The following PDS5B variants were observed in gnomAD, a reference collection of about 807,000 sequenced individuals.
The protein encoded by PDS5B is PDS5 cohesin associated factor B, also known as sister chromatid cohesion protein PDS5 homolog B.
A neutral mutation model predicts 184.1 loss-of-function variants in PDS5B; 51 were observed. The observed-to-expected ratio is 0.28, with a 90% CI of 0.22 to 0.35. The LOEUF (loss-of-function observed/expected upper bound fraction) is 0.35, where lower values mean the gene tolerates loss of function less well. Ranked by LOEUF, PDS5B falls within the 10% of genes least tolerant of loss-of-function variation. The pLI, the probability that PDS5B is intolerant of heterozygous loss-of-function variation, is 1.00. For missense variants in PDS5B, 1,180 were observed against 1,723.3 expected (o/e 0.68, Z 5.58); for synonymous variants, 566 against 569.2 (o/e 0.99, Z 0.08).
At chr13:32,706,218 C>T (rs915697088) in intron 17 of PDS5B, among the ~76,000 whole-genome samples, 1 of 151,616 alleles carries the variant, frequency 6.6e-6, no homozygotes, top group Non-Finnish European at 1.5e-5. Flanking sequence ...GCGGAGGTTG[C>T]AGTGAACCGA....
chr13:32,746,687 CTG>C lies in PDS5B; in HGVS notation c.2736+590_2736+591del, dbSNP rs375182522. ...AATAACAAAAACATCAACCACAAAA[CTG>C]TGAAAAATGTGGCACTGAATAGACC... On this transcript the variant is annotated intron_variant, in intron 24 of 34. Transcript: ENST00000315596. Among the ~76,000 whole-genome samples the C allele has an allele frequency of 3.5e-3, 536 of 152,266 alleles. 1 individual carries two copies. The highest frequency in any genetic ancestry group is 5.9e-3 in the Non-Finnish European group (404 of 68,004).
chr13:32,587,983 A>G (rs953511265), intron 1 of PDS5B, among the ~76,000 whole-genome samples: 1 of 152,222 alleles, frequency 6.6e-6, no homozygotes, highest in African/African-American at 2.4e-5. Flanking sequence ...TAATTACCCA[A>G]TGCTTGAACG....
At chr13:32,728,529 C>T (rs1952989764) in intron 19 of PDS5B, among the ~76,000 whole-genome samples, 1 of 152,176 alleles carries the variant, frequency 6.6e-6, no homozygotes, top group Admixed American at 6.5e-5. Context: ...GCTCATGCTG[C>T]CTTTCCCTTT....
intron 1 of PDS5B, among the ~76,000 whole-genome samples, chr13:32,632,192 A>G (rs1226940145): frequency 6.6e-6 from 1 of 152,192 alleles, no homozygotes; most frequent in Admixed American, 6.5e-5. Flanking sequence ...GACTTTATAA[A>G]AATTAAAAAC....
intron 1 of PDS5B, among the ~76,000 whole-genome samples, chr13:32,644,355 C>T (rs1950169350): frequency 6.6e-6 from 1 of 152,048 alleles, no homozygotes. Flanking sequence ...TGGGACGTAA[C>T]CTTATTGTAA....
chr13:32,654,450 T>C (rs1200086337), intron 3 of PDS5B, among the ~76,000 whole-genome samples: 1 of 152,186 alleles, frequency 6.6e-6, no homozygotes, highest in African/African-American at 2.4e-5. Flanking sequence ...CTTTCAGCAA[T>C]CCAGGAAGGG....
chr13:32,774,478 C>CTT (rs1954893837), intron 34 of PDS5B, among the ~76,000 whole-genome samples: 1 of 152,172 alleles, frequency 6.6e-6, no homozygotes, highest in African/African-American at 2.4e-5. Flanking sequence ...AAATTAAAAC[C>CTT]CTCTTTTATA....
intron 6 of PDS5B, among the ~76,000 whole-genome samples, chr13:32,665,426 C>G (rs985396748): frequency 2.0e-5 from 3 of 151,120 alleles, no homozygotes; most frequent in Non-Finnish European, 4.4e-5. Flanking sequence ...CCTGTCTCTA[C>G]TAAATACAAA....
In PDS5B at chr13:32,758,945, T is replaced by A. The variant is rs572504986; in HGVS notation, c.3309+292T>A. Among the ~76,000 whole-genome samples the A allele has an allele frequency of 7.8e-4, 118 of 152,186 alleles. 1 individual carries two copies. The highest frequency in any genetic ancestry group is 2.6e-3 in the African/African-American group (110 of 41,530). On this transcript the variant is annotated intron_variant, in intron 28 of 34. Coordinates refer to ENST00000315596, the MANE Select transcript of PDS5B (RefSeq NM_015032.4). Reference sequence around the variant, plus strand: ...TTGTTCAAAATGGGAAGGAGAGTGCTGATAGAGATACAGTCTGAAGTTAAA... The same window carrying A: ...TTGTTCAAAATGGGAAGGAGAGTGCAGATAGAGATACAGTCTGAAGTTAAA...
At chr13:32,771,647 C>T (rs911146740) in intron 33 of PDS5B, among the ~76,000 whole-genome samples, 1 of 152,044 alleles carries the variant, frequency 6.6e-6, no homozygotes, top group Admixed American at 6.6e-5. Flanking sequence ...CTAGCCAGTA[C>T]TTCATGCCAT....
chr13:32,650,816 T>G (rs1441845804), intron 2 of PDS5B, among the ~76,000 whole-genome samples: 1 of 152,236 alleles, frequency 6.6e-6, no homozygotes, highest in Non-Finnish European at 1.5e-5. Flanking sequence ...GAGCCATTTG[T>G]TACTCAGAAG....
intron 1 of PDS5B, among the ~76,000 whole-genome samples, chr13:32,608,779 G>T (rs1170183551): frequency 1.3e-5 from 2 of 152,194 alleles, no homozygotes; most frequent in African/African-American, 4.8e-5. Flanking sequence ...GGAGAAGTTG[G>T]AGAACGAGAT....
rs753946726 is a variant in PDS5B at position 32,658,339 on chromosome 13, TG to T, written c.399+15del. On this transcript the variant is annotated intron_variant, in intron 4 of 34. Coordinates refer to ENST00000315596, the MANE Select transcript of PDS5B (RefSeq NM_015032.4). Reference sequence around the variant, plus strand: ...TATTTACTTGAGGTAAGCAATATCTTGTATCTTGAGATGACATTTTAAACTG... The same window carrying T: ...TATTTACTTGAGGTAAGCAATATCTTTATCTTGAGATGACATTTTAAACTG... The T allele has an allele frequency of 1.4e-6, 2 of 1,435,636 alleles. No individual in the cohort carries two copies. The highest frequency in any genetic ancestry group is 1.9e-6 in the Non-Finnish European group (2 of 1,026,758). 88.9% of individuals were successfully genotyped at this position (1,435,636 alleles called of 1,614,324 possible).
intron 1 of PDS5B, among the ~76,000 whole-genome samples, chr13:32,619,787 CAT>C (rs2058270323): frequency 6.6e-6 from 1 of 152,028 alleles, no homozygotes; most frequent in Non-Finnish European, 1.5e-5. Context: ...AGGTCTGAGA[CAT>C]CTTTGGTTAA....
At chr13:32,740,547 T>G (rs1346374427) in intron 21 of PDS5B, among the ~76,000 whole-genome samples, 1 of 152,166 alleles carries the variant, frequency 6.6e-6, no homozygotes, top group East Asian at 1.9e-4. Flanking sequence ...GTTCCAAGAT[T>G]GGTTCAGCTC....
At chr13:32,713,504 C>T (rs747672857) in intron 19 of PDS5B, among the ~76,000 whole-genome samples, 1 of 151,930 alleles carries the variant, frequency 6.6e-6, no homozygotes, top group Non-Finnish European at 1.5e-5. Context: ...TGAAGTAATA[C>T]ATGAAAAAGA....
At chr13:32,650,159 A>AT (rs1230853578) in intron 2 of PDS5B, 1 of 152,154 alleles carries the variant, frequency 6.6e-6, no homozygotes, top group Non-Finnish European at 1.5e-5. Flanking sequence ...TTATAACAGC[A>AT]TTTGAGTTGT....
intron 22 of PDS5B, 32 bp downstream of exon 22, chr13:32,741,180 A>G (rs1279084336): frequency 9.2e-7 from 1 of 1,092,536 alleles, no homozygotes; most frequent in African/African-American, 1.6e-5. Context: ...ATTGATTTTA[A>G]TATAATCACC....
At chr13:32,639,311 T>A (rs993098852) in intron 1 of PDS5B, among the ~76,000 whole-genome samples, 1 of 152,150 alleles carries the variant, frequency 6.6e-6, no homozygotes, top group African/African-American at 2.4e-5. Flanking sequence ...GTTTGCCCTT[T>A]TACAAATAAA....
Sources: gnomAD v4.1 joint callset for allele counts (sites outside exome capture counted in the v4.1 genomes callset) on GRCh38, gnomAD v4.1.1 for gene constraint, MANE v1.5 for transcripts, NCBI Gene and HGNC (gene_info 2026-07-23, HGNC 2026-07-21) for gene names.